Variants in TAS1R2 observed in about 807,000 individuals in gnomAD.
The protein encoded by TAS1R2 is taste 1 receptor member 2.
A neutral mutation model predicts 49.3 loss-of-function variants in TAS1R2; 47 were observed. The observed-to-expected ratio is 0.95, with a 90% confidence interval of 0.75 to 1.22. The LOEUF (loss-of-function observed/expected upper bound fraction) is 1.22, where lower values mean the gene tolerates loss of function less well. Among genes scored for constraint, TAS1R2 ranks in the 50% most tolerant of loss-of-function variants. The probability of loss-of-function intolerance (pLI) is 0.00; values close to 1 mark genes in which losing one functional copy is unlikely to be tolerated. For synonymous variants in TAS1R2, 479 were observed against 467.9 expected, an observed-to-expected ratio of 1.02 and a Z score of -0.31; for missense variants, 1,155 against 1,122.1, an observed-to-expected ratio of 1.03 and a Z score of -0.42.
intron 3 of TAS1R2, among the ~76,000 whole-genome samples, chr1:18,851,335 GC>G (rs369887446): frequency 6.6e-6 from 1 of 150,876 alleles, no homozygotes; most frequent in Non-Finnish European, 1.5e-5. Flanking sequence ...ATTTTGTTTT[GC>G]TTTTTTTTTA....
At chr1:18,839,950 G>A in exon 6 of TAS1R2, 1 of 1,614,242 alleles carries the variant, frequency 6.2e-7, no homozygotes. Context: ...TGTTGCGGTA[G>A]TTGGGGTTAC....
At chr1:18,841,787 G>T in exon 5 of TAS1R2, 1 of 1,613,992 alleles carries the variant, frequency 6.2e-7, no homozygotes, top group Non-Finnish European at 8.5e-7. Flanking sequence ...AGCAGCAGAC[G>T]TGGATGCCCA....
At chr1:18,841,926 G>GCAGGATGT in intron 4 of TAS1R2, 74 bp from the exon 5 acceptor site, 1 of 1,457,360 alleles carries the variant, frequency 6.9e-7, no homozygotes, top group South Asian at 1.4e-5. Context: ...TCTCCAACCA[G>GCAGGATGT]CAGGATGTTC....
At chr1:18,856,250 CACTTGCTAACCCCTCTTCTTGGA>C (rs1934135593) in intron 2 of TAS1R2, among the ~76,000 whole-genome samples, 2 of 152,156 alleles carry the variant, frequency 1.3e-5, no homozygotes, top group Admixed American at 1.3e-4. Flanking sequence ...CTGGCCTTGG[CACTTGCTAACCCCTCTTCTTGGA>C]ATGTTCTTCT....
exon 5 of TAS1R2, chr1:18,841,852 T>C: frequency 6.3e-7 from 1 of 1,597,658 alleles, no homozygotes; most frequent in South Asian, 1.1e-5. Flanking sequence ...GACATAGGGA[T>C]CTGGAGGGAG....
chr1:18,851,640 C>T (rs866068747), intron 3 of TAS1R2, among the ~76,000 whole-genome samples: 2 of 152,136 alleles, frequency 1.3e-5, no homozygotes, highest in Admixed American at 1.3e-4. Context: ...ACCTGCTGAA[C>T]AGTTTTGCTG....
At chr1:18,844,332 A>C (rs578138843) in intron 4 of TAS1R2, among the ~76,000 whole-genome samples, 3 of 152,222 alleles carry the variant, frequency 2.0e-5, no homozygotes, top group Non-Finnish European at 2.9e-5. Flanking sequence ...GAATGGAGAC[A>C]AAGTTGCTTG....
Position 18,854,334 on chromosome 1 carries a change from A to G in TAS1R2, c.1136T>C (p.Leu379Pro). Reference sequence around the variant, plus strand: ...GCTGTAGACGACACGCTCCCCAGAGAGCCTGAGAATGGTGTTGAAGGACAA... The same window carrying G: ...GCTGTAGACGACACGCTCCCCAGAGGGCCTGAGAATGGTGTTGAAGGACAA... Residue 379 changes from leucine (L) to proline (P), a missense_variant, in exon 3 of 6, where the codon CTC (leucine) becomes CCC (proline). By Grantham distance (98) the Leu-to-Pro change is moderately conservative (BLOSUM62 -3). Coordinates refer to ENST00000375371, the Ensembl canonical transcript of TAS1R2. This position sits in a 1 kb window ranked among gnomAD's most constrained non-coding sequence, Gnocchi z 4.9. 6.2e-7 allele frequency: 1 copy of G among 1,613,990 alleles called. No individual in the cohort carries two copies.
At chr1:18,848,159 A>ACCT (rs1407994465) in intron 4 of TAS1R2, among the ~76,000 whole-genome samples, 1 of 151,578 alleles carries the variant, frequency 6.6e-6, no homozygotes, top group African/African-American at 2.4e-5. Flanking sequence ...TATATAGAGA[A>ACCT]CCTCCGCCAC....
At chr1:18,847,831 G>A (rs1288893127) in intron 4 of TAS1R2, among the ~76,000 whole-genome samples, 1 of 152,216 alleles carries the variant, frequency 6.6e-6, no homozygotes, top group Admixed American at 6.5e-5. Flanking sequence ...AAAAGAAAGA[G>A]GTTTAATGGA....
rs577604723 is a variant in TAS1R2 at position 18,845,764 on chromosome 1, G to A, written c.1467+3577C>T. Among the ~76,000 whole-genome samples, 14 of 152,302 alleles carry A rather than the reference G, an allele frequency of 9.2e-5. No homozygotes were observed. The East Asian group carries it at 2.3e-3, about 25-fold the overall frequency. On this transcript the variant is annotated intron_variant, in intron 4 of 5. Coordinates refer to ENST00000375371, the Ensembl canonical transcript of TAS1R2. ...CTTCAATCCCAGTGCACCTGCGGGTGGGAATCTGCAGCAGGCACAGCCCAG... is the reference window on the plus strand; with the variant it reads ...CTTCAATCCCAGTGCACCTGCGGGTAGGAATCTGCAGCAGGCACAGCCCAG...
rs375529702 is a variant in TAS1R2 at position 18,848,681 on chromosome 1, C to T, written c.1467+660G>A. Reference sequence around the variant, plus strand: ...CTCCACCTCCTGTCAGATCAACATCCGCATTAGATTCTCATAGGAGCACAA... The same window carrying T: ...CTCCACCTCCTGTCAGATCAACATCTGCATTAGATTCTCATAGGAGCACAA... On this transcript the variant is annotated intron_variant, in intron 4 of 5. Transcript: ENST00000375371. 1.9e-3 allele frequency among the ~76,000 whole-genome samples: 289 copies of T among 152,262 alleles called. 1 individual carries two copies. Among genetic ancestry groups the T allele is most frequent in the African/African-American group, 5.7e-3 (236 of 41,544 alleles).
rs141046383 is a variant in TAS1R2 at position 18,844,904 on chromosome 1, C to A, written c.1468-3052G>T. ...ATGAACCCAACAGCTTGAGCTTCCT[C>A]TCATCATGGCTGACCTAGCTACTGC... On this transcript the variant is annotated intron_variant, in intron 4 of 5. Transcript: ENST00000375371. Among the ~76,000 whole-genome samples, 853 of 152,340 alleles carry A rather than the reference C, an allele frequency of 5.6e-3. 9 individuals carry two copies. Among genetic ancestry groups the A allele is most frequent in the African/African-American group, 0.019 (807 of 41,578 alleles).
chr1:18,852,540 C>T (rs562284654), intron 3 of TAS1R2, among the ~76,000 whole-genome samples: 1 of 152,368 alleles, frequency 6.6e-6, no homozygotes, highest in Non-Finnish European at 1.5e-5. Context: ...ACTGCATCAT[C>T]CCCAGCCCTA....
chr1:18,855,676 A>G (rs1343479916), intron 2 of TAS1R2, among the ~76,000 whole-genome samples: 2 of 152,130 alleles, frequency 1.3e-5, no homozygotes, highest in African/African-American at 4.8e-5. Context: ...CCTGAACTTC[A>G]GATGCATACC....
At chr1:18,857,248 G>T in intron 2 of TAS1R2, 83 bp downstream of exon 2, 1 of 1,436,432 alleles carries the variant, frequency 7.0e-7, no homozygotes, top group Non-Finnish European at 9.4e-7. Context: ...CATGATTGAT[G>T]GAGGAAGTGG....
At chr1:18,858,416 C>G (rs1934180874) in intron 1 of TAS1R2, 1 of 152,606 alleles carries the variant, frequency 6.6e-6, no homozygotes, top group African/African-American at 2.4e-5. Context: ...GCATCACTAT[C>G]ATCACCACCA....
At chr1:18,859,207 A>G (rs1285621233) in intron 1 of TAS1R2, among the ~76,000 whole-genome samples, 1 of 152,208 alleles carries the variant, frequency 6.6e-6, no homozygotes, top group East Asian at 1.9e-4. Context: ...CTCTAGGCTC[A>G]AACATTCTGT....
At chr1:18,857,077 A>T (rs1934149272) in intron 2 of TAS1R2, among the ~76,000 whole-genome samples, 1 of 152,240 alleles carries the variant, frequency 6.6e-6, no homozygotes, top group African/African-American at 2.4e-5. Context: ...AGAAGAGTCA[A>T]GAGATTTGCC....
Sources: gnomAD v4.1 joint callset for allele counts (sites outside exome capture counted in the v4.1 genomes callset) on GRCh38, gnomAD v4.1.1 for gene constraint, Gnocchi (gnomAD v3.1) non-coding constraint, MANE v1.5 for transcripts, NCBI Gene and HGNC (gene_info 2026-07-23, HGNC 2026-07-21) for gene names.